Variants in PTK2 observed in about 807,000 individuals in gnomAD.
PTK2 encodes focal adhesion kinase 1.
PTK2 carries 45 observed loss-of-function variants against 150.1 expected under a neutral mutation model. The ratio of observed to expected loss-of-function variants is 0.30; its 90% confidence interval spans 0.24 to 0.38. The LOEUF is 0.38. Ranked by LOEUF, PTK2 falls within the 10% of genes least tolerant of loss-of-function variation. The pLI is 1.00. For missense variants in PTK2, 919 were observed against 1,307.3 expected, an observed-to-expected ratio of 0.70 and a Z score of 4.58; for synonymous variants, 432 against 449.2, an observed-to-expected ratio of 0.96 and a Z score of 0.48.
At chr8:140,787,560 A>C (rs546256534) in intron 14 of PTK2, among the ~76,000 whole-genome samples, 8 of 152,348 alleles carry the variant, frequency 5.3e-5, no homozygotes, top group African/African-American at 1.9e-4. Flanking sequence ...AGCTGCTAAA[A>C]GACACATCTG....
chr8:140,901,908 T>C (rs1427494320), intron 2 of PTK2, among the ~76,000 whole-genome samples: 1 of 152,220 alleles, frequency 6.6e-6, no homozygotes, highest in East Asian at 1.9e-4. Context: ...ACATGCAGTG[T>C]TTGGTTTTCT....
At chr8:140,941,141 C>T (rs2100175601) in intron 1 of PTK2, among the ~76,000 whole-genome samples, 1 of 152,148 alleles carries the variant, frequency 6.6e-6, no homozygotes, top group Non-Finnish European at 1.5e-5. Flanking sequence ...GAACTGTCAC[C>T]AATTCTAAAA....
intron 2 of PTK2, among the ~76,000 whole-genome samples, chr8:140,914,400 T>G (rs1440309563): frequency 6.8e-6 from 1 of 147,916 alleles, no homozygotes; most frequent in African/African-American, 2.5e-5. Context: ...TCACTAACCC[T>G]TAAAGAACCA....
At chr8:140,690,295 A>G (rs2100022372) in intron 26 of PTK2, among the ~76,000 whole-genome samples, 1 of 152,138 alleles carries the variant, frequency 6.6e-6, no homozygotes, top group South Asian at 2.1e-4. Flanking sequence ...TCTGCCGCCC[A>G]GGTCAGAGTG....
intron 17 of PTK2, 28 bp from the exon 21 acceptor site, chr8:140,746,888 C>CT (rs754193808): frequency 2.6e-6 from 3 of 1,135,824 alleles, no homozygotes; most frequent in Admixed American, 2.4e-5. Flanking sequence ...CATAGTTATT[C>CT]TTTCTTTTTT....
intron 31 of PTK2, chr8:140,662,823 A>G (rs1263826451): frequency 2.0e-6 from 1 of 501,160 alleles, no homozygotes; most frequent in Admixed American, 2.6e-5. Flanking sequence ...CATCAGGAAG[A>G]AACAAATGTT....
intron 1 of PTK2, among the ~76,000 whole-genome samples, chr8:140,935,902 C>A (rs951184572): frequency 6.6e-6 from 1 of 152,034 alleles, no homozygotes; most frequent in Non-Finnish European, 1.5e-5. Context: ...CCGCCTCAAC[C>A]TCCCAAAGTG....
At chr8:140,748,311 TG>T (rs2100060688) in intron 17 of PTK2, among the ~76,000 whole-genome samples, 1 of 152,022 alleles carries the variant, frequency 6.6e-6, no homozygotes, top group South Asian at 2.1e-4. Context: ...CTGGCCAACA[TG>T]GTGAAACCCC....
chr8:140,935,148 T>C (rs2154608648), intron 1 of PTK2, among the ~76,000 whole-genome samples: 1 of 152,292 alleles, frequency 6.6e-6, no homozygotes, highest in South Asian at 2.1e-4. Context: ...AACATATAAA[T>C]GTTTATTTTA....
At chr8:140,823,303 T>G (rs1214315397) in intron 8 of PTK2, among the ~76,000 whole-genome samples, 2 of 152,188 alleles carry the variant, frequency 1.3e-5, no homozygotes, top group Non-Finnish European at 2.9e-5. Context: ...AAAAAGTCAA[T>G]TCTCTACTTT....
chr8:140,766,840 C>A (rs1289071360), intron 14 of PTK2, among the ~76,000 whole-genome samples: 2 of 152,196 alleles, frequency 1.3e-5, no homozygotes, highest in Non-Finnish European at 2.9e-5. Context: ...CCTGGCAATG[C>A]TTCAGCTGTG....
intron 18 of PTK2, among the ~76,000 whole-genome samples, chr8:140,745,101 A>G (rs1019531880): frequency 2.0e-5 from 3 of 152,172 alleles, no homozygotes; most frequent in Admixed American, 6.5e-5. Flanking sequence ...CTGGAAGAAA[A>G]AAGATCTAGT....
At chr8:140,675,168 CTTTT>C (rs772090005) in intron 28 of PTK2, among the ~76,000 whole-genome samples, 3 of 138,328 alleles carry the variant, frequency 2.2e-5, no homozygotes, top group South Asian at 4.7e-4. Flanking sequence ...GCATTTCTTT[CTTTT>C]TTTTTTTTTT....
At chr8:140,995,103 C>T (rs1220123488) in intron 1 of PTK2, among the ~76,000 whole-genome samples, 1 of 144,644 alleles carries the variant, frequency 6.9e-6, no homozygotes, top group African/African-American at 2.5e-5. Context: ...AAAAAAAGGA[C>T]GGGCACGTGG....
intron 8 of PTK2, among the ~76,000 whole-genome samples, chr8:140,823,297 A>T (rs1054267023): frequency 3.9e-5 from 6 of 152,246 alleles, no homozygotes; most frequent in Non-Finnish European, 8.8e-5. Flanking sequence ...ACAGAAAAAA[A>T]GTCAATTCTC....
chr8:140,913,317 A>G (rs2100163961), intron 2 of PTK2, among the ~76,000 whole-genome samples: 1 of 108,058 alleles, frequency 9.3e-6, no homozygotes, highest in African/African-American at 3.7e-5. Flanking sequence ...TTTTTTTTTG[A>G]CAGAGTCTCA....
chr8:140,832,450 ACTC>A (rs1303718261), intron 7 of PTK2, among the ~76,000 whole-genome samples: 5 of 152,092 alleles, frequency 3.3e-5, no homozygotes, highest in Admixed American at 1.3e-4. Context: ...GGGGATGTGA[ACTC>A]CTACTACCAT....
At chr8:140,938,484 G>A (rs563285632) in intron 1 of PTK2, among the ~76,000 whole-genome samples, 6 of 152,114 alleles carry the variant, frequency 3.9e-5, no homozygotes, top group Non-Finnish European at 8.8e-5. Flanking sequence ...AAGGATTGTC[G>A]CAATCCTCTG....
At chr8:140,735,129 G>A in intron 22 of PTK2, 122 bp downstream of exon 25, 1 of 898,638 alleles carries the variant, frequency 1.1e-6, no homozygotes, top group Non-Finnish European at 1.7e-6. Flanking sequence ...AATTGCATTT[G>A]AACGAAAAAT....
Sources: gnomAD v4.1 joint callset for allele counts (sites outside exome capture counted in the v4.1 genomes callset) on GRCh38, gnomAD v4.1.1 for gene constraint, MANE v1.5 for transcripts, NCBI Gene and HGNC (gene_info 2026-07-23, HGNC 2026-07-21) for gene names.